Variants in LRRTM3 observed in about 807,000 individuals in gnomAD.
LRRTM3 encodes leucine-rich repeat transmembrane neuronal protein 3.
LRRTM3 carries 24 observed loss-of-function variants against 44.7 expected under a neutral mutation model. The ratio of observed to expected loss-of-function variants is 0.54; its 90% CI spans 0.39 to 0.76. The LOEUF (loss-of-function observed/expected upper bound fraction) is 0.76, where lower values mean the gene tolerates loss of function less well. Ranked by LOEUF, LRRTM3 falls within the 30% of genes least tolerant of loss-of-function variation. The pLI, the probability that LRRTM3 is intolerant of heterozygous loss-of-function variation, is 0.00. For synonymous variants in LRRTM3, 277 were observed against 278.7 expected, an observed-to-expected ratio of 0.99 and a Z score of 0.06; for missense variants, 587 against 702.2, an observed-to-expected ratio of 0.84 and a Z score of 1.85.
chr10:67,047,529 T>C (rs967489037), intron 2 of LRRTM3, among the ~76,000 whole-genome samples: 3 of 152,158 alleles, frequency 2.0e-5, no homozygotes, highest in Non-Finnish European at 2.9e-5. Flanking sequence ...CAGAAACATG[T>C]GTGCTTCTTG....
At chr10:67,045,510 T>C (rs2133163237) in intron 2 of LRRTM3, among the ~76,000 whole-genome samples, 1 of 152,222 alleles carries the variant, frequency 6.6e-6, no homozygotes, top group East Asian at 1.9e-4. Flanking sequence ...GGAACTGTTC[T>C]GCTACGTAGG....
intron 2 of LRRTM3, among the ~76,000 whole-genome samples, chr10:66,955,227 A>G (rs1468040262): frequency 2.0e-5 from 3 of 151,842 alleles, no homozygotes; most frequent in African/African-American, 4.9e-5. Flanking sequence ...TAAGACAGGA[A>G]AATGGATGTT....
chr10:66,992,502 C>T (rs1851094604), intron 2 of LRRTM3, among the ~76,000 whole-genome samples: 1 of 151,660 alleles, frequency 6.6e-6, no homozygotes, highest in South Asian at 2.1e-4. Context: ...TTATGCATTA[C>T]AAATATGTTC....
chr10:67,079,914 T>G (rs866878145), intron 2 of LRRTM3, among the ~76,000 whole-genome samples: 1 of 141,304 alleles, frequency 7.1e-6, no homozygotes, highest in African/African-American at 2.6e-5. Context: ...CACACAAAGA[T>G]AGTCACTAAC....
intron 2 of LRRTM3, among the ~76,000 whole-genome samples, chr10:67,079,561 T>G (rs1342887693): frequency 6.6e-6 from 1 of 151,932 alleles, no homozygotes; most frequent in Non-Finnish European, 1.5e-5. Context: ...AACAATAAGA[T>G]AGTCACAGCC....
In LRRTM3 at chr10:66,928,272, G is replaced by A; in HGVS notation, c.1356G>A (p.Leu452=). ...GGTACCCTGCGAGCATGAAGCAGCT[G>A]CAGCAGCGCTCCCTCATGCGAAGGC... ...WKRYPASMKQ[L]QQRSLMRRHR... Residue 452 remains leucine, a synonymous_variant, in exon 2 of 3, where the codon CTG becomes CTA. Coordinates refer to ENST00000361320, the MANE Select transcript of LRRTM3 (RefSeq NM_178011.5). 2 of 1,614,156 alleles carry A rather than the reference G, an allele frequency of 1.2e-6. No homozygotes were observed. Among genetic ancestry groups the A allele is most frequent in the Admixed American group, 1.7e-5 (1 of 60,016 alleles).
intron 2 of LRRTM3, among the ~76,000 whole-genome samples, chr10:66,967,419 T>C (rs1849489845): frequency 6.6e-6 from 1 of 151,836 alleles, no homozygotes; most frequent in African/African-American, 2.4e-5. Flanking sequence ...CACATGCATA[T>C]ATATATACAC....
In LRRTM3 at chr10:66,950,438, T is replaced by A. The variant is rs76205148; in HGVS notation, c.1536+21986T>A. ...GTTTAATAAATGTCTGTTTAAAGAA[T>A]CATATGTGAATACATGAATGTCACA... On this transcript the variant is annotated intron_variant, in intron 2 of 2. Transcript: ENST00000361320. 5.1e-3 allele frequency among the ~76,000 whole-genome samples: 769 copies of A among 152,224 alleles called. 6 individuals carry two copies. Among genetic ancestry groups the A allele is most frequent in the Non-Finnish European group, 8.3e-3 (565 of 67,996 alleles).
chr10:67,066,612 C>T (rs1244395565), intron 2 of LRRTM3, among the ~76,000 whole-genome samples: 3 of 149,128 alleles, frequency 2.0e-5, no homozygotes, highest in African/African-American at 7.5e-5. Flanking sequence ...ACAACCTCTG[C>T]AGCTACACTG....
intron 2 of LRRTM3, among the ~76,000 whole-genome samples, chr10:66,950,558 CA>C (rs1251719087): frequency 1.3e-5 from 2 of 151,826 alleles, no homozygotes; most frequent in Non-Finnish European, 2.9e-5. Context: ...AGATTTAGTT[CA>C]TATCATAAAA....
chr10:66,996,030 C>T lies in LRRTM3; in HGVS notation c.1536+67578C>T, dbSNP rs115036564. On this transcript the variant is annotated intron_variant, in intron 2 of 2. Transcript: ENST00000361320. ...CAATCACTTGTAAATTATTTTAGTA[C>T]GCTTTATTTTACCTACTTATTTACA... 6.9e-3 allele frequency among the ~76,000 whole-genome samples: 1,051 copies of T among 152,166 alleles called. 10 individuals carry two copies. The highest frequency in any genetic ancestry group is 0.024 in the African/African-American group (986 of 41,522).
In LRRTM3 at chr10:67,043,634, T is replaced by A. The variant is rs547158879; in HGVS notation, c.1537-53953T>A. On this transcript the variant is annotated intron_variant, in intron 2 of 2. Coordinates refer to ENST00000361320, the MANE Select transcript of LRRTM3 (RefSeq NM_178011.5). Reference sequence around the variant, plus strand: ...CAGATCATTAACAATGATTTTTTTTTAAAGAACAGTTAACACCAATTCTTG... The same window carrying A: ...CAGATCATTAACAATGATTTTTTTTAAAAGAACAGTTAACACCAATTCTTG... 1.8e-3 allele frequency among the ~76,000 whole-genome samples: 268 copies of A among 152,256 alleles called. 1 individual carries two copies. Among genetic ancestry groups the A allele is most frequent in the Non-Finnish European group, 3.4e-3 (228 of 68,016 alleles).
At chr10:67,006,084 C>A (rs1390918932) in intron 2 of LRRTM3, among the ~76,000 whole-genome samples, 1 of 152,104 alleles carries the variant, frequency 6.6e-6, no homozygotes, top group Non-Finnish European at 1.5e-5. Flanking sequence ...TTGAACAGTA[C>A]AGTGCCAGGT....
intron 2 of LRRTM3, among the ~76,000 whole-genome samples, chr10:66,939,076 G>C (rs1402236774): frequency 2.6e-5 from 4 of 152,152 alleles, no homozygotes; most frequent in Non-Finnish European, 5.9e-5. Context: ...CGCTATGACA[G>C]AAACTAGGTC....
intron 2 of LRRTM3, among the ~76,000 whole-genome samples, chr10:66,961,222 A>C (rs1849094286): frequency 6.6e-6 from 1 of 152,108 alleles, no homozygotes; most frequent in Non-Finnish European, 1.5e-5. Context: ...GGTGATTTCT[A>C]TTGTTTTGTA....
chr10:67,045,594 G>A (rs1854684612), intron 2 of LRRTM3, among the ~76,000 whole-genome samples: 2 of 152,274 alleles, frequency 1.3e-5, no homozygotes, highest in South Asian at 4.1e-4. Flanking sequence ...ATTGCGTGAC[G>A]GGCAAGGGGG....
Position 67,100,973 on chromosome 10 carries a change from A to G in LRRTM3, c.*3177A>G, listed in dbSNP as rs567627703. Among the ~76,000 whole-genome samples, 1 of 151,846 alleles carries G rather than the reference A, an allele frequency of 6.6e-6. No individual in the cohort carries two copies. The highest frequency in any genetic ancestry group is 1.9e-4 in the East Asian group (1 of 5,162). ...AGAATGAAAGAATATATATCTATAT[A>G]TATTTGACATGTTGTTTAGTAATCC... On this transcript the variant is annotated 3_prime_UTR_variant, in exon 3 of 3. Coordinates refer to ENST00000361320, the MANE Select transcript of LRRTM3 (RefSeq NM_178011.5).
At chr10:67,089,375 C>A (rs1234442451) in intron 2 of LRRTM3, among the ~76,000 whole-genome samples, 2 of 152,042 alleles carry the variant, frequency 1.3e-5, no homozygotes, top group African/African-American at 2.4e-5. Context: ...AAAGTGCTTT[C>A]TTAAAAAATA....
chr10:67,028,580 T>C (rs915227337), intron 2 of LRRTM3, among the ~76,000 whole-genome samples: 1 of 151,002 alleles, frequency 6.6e-6, no homozygotes, highest in African/African-American at 2.4e-5. Flanking sequence ...TCAAACAGCA[T>C]GTGCAATGAG....
Sources: allele counts gnomAD v4.1 joint callset (sites outside exome capture counted in the v4.1 genomes callset), GRCh38; gene constraint gnomAD v4.1.1; transcripts MANE v1.5; gene names NCBI Gene and HGNC (gene_info 2026-07-23, HGNC 2026-07-21).